The following SH3KBP1 variants were observed in gnomAD, a reference collection of about 807,000 sequenced individuals.
SH3KBP1 encodes the protein SH3 domain containing kinase binding protein 1.
In SH3KBP1, 8 loss-of-function variants were observed where a neutral mutation model predicts 50.1. The observed-to-expected ratio is 0.16, with a 90% confidence interval of 0.09 to 0.29. The LOEUF is 0.29. Ranked by LOEUF, SH3KBP1 falls within the 10% of genes least tolerant of loss-of-function variation. The pLI, the probability that SH3KBP1 is intolerant of heterozygous loss-of-function variation, is 1.00. For synonymous variants in SH3KBP1, 227 were observed against 218.6 expected, an observed-to-expected ratio of 1.04 and a Z score of -0.34; for missense variants, 377 against 535.2, an observed-to-expected ratio of 0.70 and a Z score of 2.92.
At chrX:19,858,630 A>G (rs142742003) in intron 1 of SH3KBP1, among the ~76,000 whole-genome samples, 1 of 112,156 alleles carries the variant, frequency 8.9e-6, no homozygotes, top group East Asian at 2.8e-4. Context: ...CCTGTCTCAA[A>G]AACAAAATCT....
chrX:19,847,517 A>G (rs771529765), intron 1 of SH3KBP1, among the ~76,000 whole-genome samples: 16 of 112,146 alleles, frequency 1.4e-4, no homozygotes, highest in Admixed American at 2.9e-4. Context: ...TAACAGCAAA[A>G]TAACAGCTCT....
chrX:19,862,211 G>T (rs773493296), intron 1 of SH3KBP1, among the ~76,000 whole-genome samples: 8 of 112,019 alleles, frequency 7.1e-5, no homozygotes, highest in African/African-American at 2.6e-4. Context: ...GAATTTGCTC[G>T]GTTTTAATTT....
intron 2 of SH3KBP1, among the ~76,000 whole-genome samples, chrX:19,775,401 G>A: frequency 8.9e-6 from 1 of 112,129 alleles, no homozygotes; most frequent in Non-Finnish European, 1.9e-5. Context: ...TATTTAGCCT[G>A]TAAGCCTTTT....
chrX:19,752,221 C>T (rs772533989), intron 2 of SH3KBP1, among the ~76,000 whole-genome samples: 13 of 111,860 alleles, frequency 1.2e-4, no homozygotes, highest in African/African-American at 4.2e-4. Context: ...AGAACTAGTA[C>T]TGACGTCATC....
intron 14 of SH3KBP1, 44 bp downstream of exon 14, chrX:19,549,930 G>T (rs770920822): frequency 2.1e-6 from 2 of 966,250 alleles, no homozygotes; most frequent in East Asian, 3.1e-5. Context: ...CTGCTTTTCC[G>T]CTGTAGAGAA....
At chrX:19,797,819 T>C (rs1363214671) in intron 2 of SH3KBP1, among the ~76,000 whole-genome samples, 1 of 109,733 alleles carries the variant, frequency 9.1e-6, no homozygotes, top group Non-Finnish European at 1.9e-5. Context: ...CTATCATCGG[T>C]AATTAACTCA....
intron 1 of SH3KBP1, among the ~76,000 whole-genome samples, chrX:19,857,406 T>C (rs146840119): frequency 7.2e-5 from 8 of 110,481 alleles, no homozygotes; most frequent in East Asian, 2.9e-4. Context: ...GGCAGGGGAA[T>C]AGAAGCAAGG....
chrX:19,746,000 C>T (rs897329342), intron 3 of SH3KBP1, among the ~76,000 whole-genome samples: 20 of 112,457 alleles, frequency 1.8e-4, no homozygotes, highest in Non-Finnish European at 3.2e-4. Context: ...CAGGCCTGCA[C>T]CACAGCATTC....
chrX:19,718,284 T>C (rs2148712980), intron 3 of SH3KBP1, among the ~76,000 whole-genome samples: 1 of 111,217 alleles, frequency 9.0e-6, no homozygotes, highest in South Asian at 3.8e-4. Flanking sequence ...AATGAATCCA[T>C]TCAACATTCA....
intron 5 of SH3KBP1, among the ~76,000 whole-genome samples, chrX:19,686,325 C>T (rs1183076604): frequency 1.8e-5 from 2 of 111,715 alleles, no homozygotes; most frequent in Non-Finnish European, 3.8e-5. Flanking sequence ...CTTTTAGTGA[C>T]TCGTGCCCAT....
chrX:19,663,917 C>G (rs2062529463), intron 6 of SH3KBP1, among the ~76,000 whole-genome samples: 1 of 111,892 alleles, frequency 8.9e-6, no homozygotes, highest in South Asian at 3.7e-4. Flanking sequence ...AAAAACTCAT[C>G]TCCACAAAAA....
Position 19,752,184 on chromosome X carries a change from G to C in SH3KBP1, c.163-5743C>G, listed in dbSNP as rs1236464359. On this transcript the variant is annotated intron_variant, in intron 2 of 17. Coordinates refer to ENST00000397821, the MANE Select transcript of SH3KBP1 (RefSeq NM_031892.3). ...TAAGGCACAGGCTTCACGATGAATGGAGAATGATGCTGTGCATCAGAAAAC... is the reference window on the plus strand; with the variant it reads ...TAAGGCACAGGCTTCACGATGAATGCAGAATGATGCTGTGCATCAGAAAAC... Among the ~76,000 whole-genome samples, 4 of 112,023 alleles carry C rather than the reference G, an allele frequency of 3.6e-5. No homozygotes were observed. The East Asian group carries it at 1.1e-3, about 31-fold the overall frequency.
intron 8 of SH3KBP1, among the ~76,000 whole-genome samples, chrX:19,626,278 T>C: frequency 9.0e-6 from 1 of 111,434 alleles, no homozygotes; most frequent in Non-Finnish European, 1.9e-5. Context: ...CTCCAAATAC[T>C]TGGGGTCCCT....
At chrX:19,619,244 C>A (rs1359919341) in intron 8 of SH3KBP1, among the ~76,000 whole-genome samples, 3 of 112,024 alleles carry the variant, frequency 2.7e-5, no homozygotes, top group Non-Finnish European at 5.6e-5. Flanking sequence ...CCACTGCACT[C>A]CAGCCTGGGC....
At chrX:19,741,848 T>C (rs1382284166) in intron 3 of SH3KBP1, among the ~76,000 whole-genome samples, 1 of 111,789 alleles carries the variant, frequency 8.9e-6, no homozygotes, top group Non-Finnish European at 1.9e-5. Flanking sequence ...ACATGTACTA[T>C]TGAATGTTCA....
intron 6 of SH3KBP1, 79 bp downstream of exon 6, chrX:19,683,744 G>T (rs1308452144): frequency 1.7e-5 from 16 of 919,950 alleles, no homozygotes; most frequent in Non-Finnish European, 2.4e-5. Context: ...GGAATTGGAA[G>T]CCTCCAGCAC....
intron 6 of SH3KBP1, among the ~76,000 whole-genome samples, chrX:19,673,188 T>C (rs1022785623): frequency 4.5e-5 from 5 of 110,472 alleles, no homozygotes; most frequent in African/African-American, 1.6e-4. Flanking sequence ...TTTCCATAAA[T>C]CTAAAACTAC....
At position 19,766,483 on chromosome X, in the gene SH3KBP1, C is replaced by CTTTTTTTTTTTTTTTTT. The variant is rs61439964; in HGVS notation, c.163-20059_163-20043dup. ...TGCACTTTGAGTCTGTTGATTGCATCTTTTTTTTTTTTTTTTTTTTTTTTT... is the reference window on the plus strand; with the variant it reads ...TGCACTTTGAGTCTGTTGATTGCATCTTTTTTTTTTTTTTTTTTTTTTTTTTTTTTTTTTTTTTTTTT... On this transcript the variant is annotated intron_variant, in intron 2 of 17. Coordinates refer to ENST00000397821, the MANE Select transcript of SH3KBP1 (RefSeq NM_031892.3). Among the ~76,000 whole-genome samples, 6 of 22,589 alleles carry CTTTTTTTTTTTTTTTTT rather than the reference C, an allele frequency of 2.7e-4. 2 individuals carry two copies. Among genetic ancestry groups the CTTTTTTTTTTTTTTTTT allele is most frequent in the East Asian group, 1.7e-3 (1 of 605 alleles). The allele number at this position is 22,589 out of a possible 115,157, so 19.6% of individuals were successfully genotyped here. A position where few individuals can be genotyped will look rare whatever the true frequency, so the allele number is the denominator to read the frequency against.
chrX:19,819,892 C>T (rs776060038), intron 2 of SH3KBP1, among the ~76,000 whole-genome samples: 18 of 111,559 alleles, frequency 1.6e-4, no homozygotes, highest in African/African-American at 4.6e-4. Flanking sequence ...GGGTCCCACA[C>T]ATTTTAATAT....
Sources: allele counts gnomAD v4.1 joint callset (sites outside exome capture counted in the v4.1 genomes callset), GRCh38; gene constraint gnomAD v4.1.1; transcripts MANE v1.5; gene names NCBI Gene and HGNC (gene_info 2026-07-23, HGNC 2026-07-21).